Variants in PDHX observed in about 807,000 individuals in gnomAD.
PDHX encodes pyruvate dehydrogenase complex component X, also known as pyruvate dehydrogenase protein X component, mitochondrial.
In PDHX, 33 loss-of-function variants were observed where a neutral mutation model predicts 55.3. The observed-to-expected ratio is 0.60, with a 90% CI of 0.45 to 0.80. The LOEUF (loss-of-function observed/expected upper bound fraction) is 0.80. Among genes scored for constraint, PDHX ranks in the 30% least tolerant of loss-of-function variants. The pLI is 0.00. For synonymous variants in PDHX, 226 were observed against 219.4 expected, an observed-to-expected ratio of 1.03 and a Z score of -0.27; for missense variants, 622 against 619.9, an observed-to-expected ratio of 1.00 and a Z score of -0.04.
chr11:34,931,444 A>T lies in PDHX; in HGVS notation c.201A>T (p.Thr67=). 6.2e-7 allele frequency: 1 copy of T among 1,608,268 alleles called. No homozygotes were observed. Among genetic ancestry groups the T allele is most frequent in the Non-Finnish European group, 8.5e-7 (1 of 1,175,358 alleles). ...IKILMPSLSP[T]MEEGNIVKWL... ...TACTAATGCCATCACTGTCTCCTAC[A>T]ATGGAAGAAGGAAACATTGTGAAAT... Residue 67 remains threonine, a synonymous_variant, in exon 2 of 11, where the codon ACA becomes ACT. Coordinates refer to ENST00000227868, the MANE Select transcript of PDHX (RefSeq NM_003477.3).
At chr11:34,974,269 T>G (rs1306016246) in intron 7 of PDHX, among the ~76,000 whole-genome samples, 1 of 152,226 alleles carries the variant, frequency 6.6e-6, no homozygotes, top group African/African-American at 2.4e-5. Context: ...ATATAGTACT[T>G]GTCCTTTTGT....
chr11:34,930,810 A>G (rs541437295), intron 1 of PDHX, among the ~76,000 whole-genome samples: 1 of 152,342 alleles, frequency 6.6e-6, no homozygotes, highest in African/African-American at 2.4e-5. Flanking sequence ...TGTGAGGTTA[A>G]TTTAACCATT....
intron 3 of PDHX, among the ~76,000 whole-genome samples, chr11:34,950,607 C>T (rs4756180): frequency 0.72 from 106,958 of 148,932 alleles, 38,507 homozygotes; most frequent in East Asian, 0.77. Flanking sequence ...TTCCCATCTA[C>T]GAGTGAGAAC....
At chr11:34,968,260 C>A (rs1263631618) in intron 6 of PDHX, among the ~76,000 whole-genome samples, 124 of 130,988 alleles carry the variant, frequency 9.5e-4, no homozygotes, top group Admixed American at 1.1e-3. Context: ...GACCCTATCT[C>A]AAAAAAAAAA....
At chr11:34,969,535 G>C (rs981799874) in intron 6 of PDHX, among the ~76,000 whole-genome samples, 1 of 151,728 alleles carries the variant, frequency 6.6e-6, no homozygotes, top group Non-Finnish European at 1.5e-5. Context: ...GTAGAGATGG[G>C]GTTTCACCAT....
chr11:34,953,440 T>C (rs996970727), intron 3 of PDHX, among the ~76,000 whole-genome samples: 3 of 152,180 alleles, frequency 2.0e-5, no homozygotes, highest in Non-Finnish European at 2.9e-5. Context: ...GACTTCAAAG[T>C]ATACTACAAG....
At chr11:34,933,404 G>A (rs772355253) in intron 2 of PDHX, among the ~76,000 whole-genome samples, 6 of 152,144 alleles carry the variant, frequency 3.9e-5, no homozygotes, top group Non-Finnish European at 8.8e-5. Flanking sequence ...TAGAGTAATC[G>A]TATTATGCTT....
chr11:34,987,444 CAT>C (rs1293339124), intron 9 of PDHX, among the ~76,000 whole-genome samples: 4 of 151,962 alleles, frequency 2.6e-5, no homozygotes. Flanking sequence ...GCCTATTTAA[CAT>C]AATAGTTCTG....
intron 6 of PDHX, among the ~76,000 whole-genome samples, chr11:34,967,216 G>A (rs1855157173): frequency 1.3e-5 from 2 of 152,146 alleles, no homozygotes; most frequent in South Asian, 4.1e-4. Context: ...TGTGTTTTAA[G>A]AGTAGATTTA....
Position 34,957,458 on chromosome 11 carries a change from A to G in PDHX, c.417A>G (p.Lys139=). Residue 139 remains lysine, a synonymous_variant, in exon 4 of 11, where the codon AAA becomes AAG. Coordinates refer to ENST00000227868, the MANE Select transcript of PDHX (RefSeq NM_003477.3). ...GLIVEEGEDW[K]HVEIPKDVGP... ...TAGTAGAAGAAGGAGAAGATTGGAA[A>G]CATGTTGAAATTCCCAAAGACGTAG... 6.2e-7 allele frequency: 1 copy of G among 1,613,878 alleles called. No individual in the cohort carries two copies. The highest frequency in any genetic ancestry group is 8.5e-7 in the Non-Finnish European group (1 of 1,179,768).
chr11:34,977,598 A>G (rs1052528280), intron 7 of PDHX, among the ~76,000 whole-genome samples: 1 of 152,136 alleles, frequency 6.6e-6, no homozygotes, highest in Non-Finnish European at 1.5e-5. Flanking sequence ...CCATTAGTAA[A>G]AAGAAATTTT....
chr11:34,915,935 C>G, upstream of PDHX: 1 of 519,192 alleles, frequency 1.9e-6, no homozygotes, highest in East Asian at 3.4e-5. Context: ...CTGATAAATA[C>G]CCGGTGAGGT....
In PDHX at chr11:34,916,771, G is replaced by C. The variant is rs747977950; in HGVS notation, c.116G>C (p.Arg39Pro). The C allele has an allele frequency of 6.2e-7, 1 of 1,605,892 alleles. No homozygotes were observed. Among genetic ancestry groups the C allele is most frequent in the Admixed American group, 1.7e-5 (1 of 58,614 alleles). ...VKGALGWSVS[R>P]GANWRWFHST... The stretch of plus-strand genomic sequence containing the variant: ...GGGGCTCTTGGGTGGTCTGTAAGCC[G>C]CGGAGCTAATTGGAGATGGTTTCAC... Residue 39 changes from arginine to proline, a missense_variant, in exon 1 of 11, where the codon CGC (arginine) becomes CCC (proline). Physicochemically the swap from Arg to Pro is moderately radical, Grantham distance 103. Coordinates refer to ENST00000227868, the MANE Select transcript of PDHX (RefSeq NM_003477.3).
intron 9 of PDHX, among the ~76,000 whole-genome samples, chr11:34,990,706 A>G (rs1271665046): frequency 6.6e-6 from 1 of 152,158 alleles, no homozygotes; most frequent in African/African-American, 2.4e-5. Flanking sequence ...GTCAAAATTC[A>G]TCTCATTTTT....
chr11:34,973,617 G>A lies in PDHX; in HGVS notation c.964+3331G>A, dbSNP rs114509788. Reference sequence around the variant, plus strand: ...ACAATGTAATTCTTTAATTTATCACGGCCTGGCTTCAAATTGTATTACACC... The same window carrying A: ...ACAATGTAATTCTTTAATTTATCACAGCCTGGCTTCAAATTGTATTACACC... On this transcript the variant is annotated intron_variant, in intron 7 of 10. Coordinates refer to ENST00000227868, the MANE Select transcript of PDHX (RefSeq NM_003477.3). Among the ~76,000 whole-genome samples, 1,220 of 151,512 alleles carry A rather than the reference G, an allele frequency of 8.1e-3. 21 individuals carry two copies. The highest frequency in any genetic ancestry group is 0.028 in the African/African-American group (1,168 of 41,286).
chr11:34,981,204 T>C (rs1233733837), intron 8 of PDHX, among the ~76,000 whole-genome samples: 2 of 152,022 alleles, frequency 1.3e-5, no homozygotes, highest in Admixed American at 6.6e-5. Context: ...CCTGTGTCCA[T>C]GTGTTCCCAT....
At chr11:34,958,441 C>T (rs1484073850) in intron 4 of PDHX, among the ~76,000 whole-genome samples, 2 of 152,086 alleles carry the variant, frequency 1.3e-5, no homozygotes, top group African/African-American at 2.4e-5. Context: ...GCTGGAATTA[C>T]AGGCATGTGC....
intron 1 of PDHX, among the ~76,000 whole-genome samples, chr11:34,917,357 A>AT (rs1853753714): frequency 6.6e-6 from 1 of 152,220 alleles, no homozygotes; most frequent in Non-Finnish European, 1.5e-5. Flanking sequence ...GTCCAGGAGA[A>AT]TGTTTCAAGC....
At chr11:34,976,015 T>C (rs504034) in intron 7 of PDHX, among the ~76,000 whole-genome samples, 91,097 of 152,078 alleles carry the variant, frequency 0.6, 28,823 homozygotes, top group East Asian at 0.75. Flanking sequence ...AACACTCCTG[T>C]AGTTCTCAGA....
Sources: gnomAD v4.1 joint callset for allele counts (sites outside exome capture counted in the v4.1 genomes callset) on GRCh38, gnomAD v4.1.1 for gene constraint, MANE v1.5 for transcripts, NCBI Gene and HGNC (gene_info 2026-07-23, HGNC 2026-07-21) for gene names.